The following WASHC4 variants were observed in gnomAD, a reference collection of about 807,000 sequenced individuals.
The protein encoded by WASHC4 is WASH complex subunit 4.
A neutral mutation model predicts 166.6 loss-of-function variants in WASHC4; 86 were observed. The observed-to-expected ratio is 0.52, with a 90% CI of 0.43 to 0.62. The LOEUF is 0.62. Among genes scored for constraint, WASHC4 ranks in the 20% least tolerant of loss-of-function variants. The probability of loss-of-function intolerance (pLI) is 0.00; values close to 1 mark genes in which losing one functional copy is unlikely to be tolerated. For synonymous variants in WASHC4, 446 were observed against 451.6 expected, an observed-to-expected ratio of 0.99 and a Z score of 0.16; for missense variants, 1,262 against 1,382.4, an observed-to-expected ratio of 0.91 and a Z score of 1.38.
chr12:105,144,164 G>A (rs914108056), intron 20 of WASHC4, 123 bp from the exon 21 acceptor site: 51 of 733,272 alleles, frequency 7.0e-5, no homozygotes, highest in Non-Finnish European at 1.1e-4. Context: ...TAAAGACTTA[G>A]AATTTATGTA....
At chr12:105,160,350 AT>A (rs931427003) in intron 29 of WASHC4, among the ~76,000 whole-genome samples, 11 of 150,574 alleles carry the variant, frequency 7.3e-5, no homozygotes, top group African/African-American at 2.2e-4. Flanking sequence ...TTATTGTTAA[AT>A]TTTTTTTTTC....
intron 27 of WASHC4, 51 bp from the exon 28 acceptor site, chr12:105,157,185 T>G (rs371617798): frequency 2.2e-6 from 2 of 902,014 alleles, no homozygotes; most frequent in African/African-American, 3.3e-5. Context: ...TCTGTGTCAA[T>G]TGCACATATT....
chr12:105,143,136 A>G lies in WASHC4; in HGVS notation c.1903A>G (p.Ser635Gly). 1 of 1,604,628 alleles carries G rather than the reference A, an allele frequency of 6.2e-7. No individual in the cohort carries two copies. The highest frequency in any genetic ancestry group is 8.5e-7 in the Non-Finnish European group (1 of 1,171,846). Residue 635 changes from serine (S) to glycine (G), a missense_variant, in exon 20 of 33, where the codon AGT becomes GGT. Transcript: ENST00000332180. ...VDAARLHYMF[S>G]ALRDCVPAMM... The stretch of plus-strand genomic sequence containing the variant: ...TTAATTTTCTTCTTAGTACATGTTC[A>G]GTGCTTTGCGCGACTGTGTACCTGC...
At chr12:105,145,814 T>G (rs1167363651) in intron 22 of WASHC4, among the ~76,000 whole-genome samples, 1 of 152,100 alleles carries the variant, frequency 6.6e-6, no homozygotes, top group Non-Finnish European at 1.5e-5. Flanking sequence ...GTTAGAGTAA[T>G]ATCTATTTAA....
chr12:105,144,824 T>A lies in WASHC4; in HGVS notation c.2286T>A (p.Tyr762Ter). 1 of 1,613,452 alleles carries A rather than the reference T, an allele frequency of 6.2e-7. No homozygotes were observed. The highest frequency in any genetic ancestry group is 1.1e-5 in the South Asian group (1 of 91,070). Reference protein sequence around the residue: ...SEMRNLATQRYGLVMTEAHLP... With the variant: ...SEMRNLATQR ...TGAGAAACTTAGCTACTCAGCGTTATGGACTGGTTATGACAGAGGCACATC... is the reference window on the plus strand; with the variant it reads ...TGAGAAACTTAGCTACTCAGCGTTAAGGACTGGTTATGACAGAGGCACATC... Residue 762 changes from tyrosine (Y) to a stop codon, truncating the protein, a stop_gained, in exon 22 of 33, where the codon TAT (tyrosine) becomes TAA (stop). Transcript: ENST00000332180. LOFTEE classifies it high-confidence loss of function.
At chr12:105,142,613 A>T in intron 19 of WASHC4, 55 bp downstream of exon 19, 1 of 1,029,612 alleles carries the variant, frequency 9.7e-7, no homozygotes, top group East Asian at 2.5e-5. Context: ...TCACTGTGTA[A>T]ACCGTTTTAG....
intron 2 of WASHC4, among the ~76,000 whole-genome samples, chr12:105,113,304 GC>G (rs1247340884): frequency 1.3e-5 from 2 of 151,958 alleles, no homozygotes; most frequent in Non-Finnish European, 2.9e-5. Flanking sequence ...TTGCTGTTGG[GC>G]TTTAAGGGCC....
At chr12:105,137,699 A>G (rs1882441723) in intron 14 of WASHC4, among the ~76,000 whole-genome samples, 187 bp from the exon 15 acceptor site, 1 of 152,234 alleles carries the variant, frequency 6.6e-6, no homozygotes, top group African/African-American at 2.4e-5. Flanking sequence ...GGCTGCTTTG[A>G]AACTTAACCA....
intron 29 of WASHC4, among the ~76,000 whole-genome samples, chr12:105,162,046 A>G (rs1156230869): frequency 6.6e-6 from 1 of 152,216 alleles, no homozygotes; most frequent in African/African-American, 2.4e-5. Context: ...TATGTACTGG[A>G]TGGTGCAGAT....
chr12:105,133,256 C>G (rs758175314), intron 13 of WASHC4, among the ~76,000 whole-genome samples: 1 of 152,088 alleles, frequency 6.6e-6, no homozygotes, highest in Non-Finnish European at 1.5e-5. Flanking sequence ...TTCCAAATGT[C>G]TTAGGATTTT....
At chr12:105,117,092 T>C (rs974991929) in intron 6 of WASHC4, among the ~76,000 whole-genome samples, 2 of 152,354 alleles carry the variant, frequency 1.3e-5, no homozygotes, top group East Asian at 3.9e-4. Context: ...TCCTGGTAAA[T>C]TGAATCTTTT....
chr12:105,130,548 T>A (rs1292393161), intron 13 of WASHC4, among the ~76,000 whole-genome samples: 1 of 152,194 alleles, frequency 6.6e-6, no homozygotes, highest in Non-Finnish European at 1.5e-5. Context: ...TAAAATTCAC[T>A]CCACTAAAGT....
intron 13 of WASHC4, 134 bp downstream of exon 13, chr12:105,127,423 C>A: frequency 1.4e-6 from 1 of 719,402 alleles, no homozygotes; most frequent in Non-Finnish European, 2.3e-6. Flanking sequence ...CAGGCAATCT[C>A]CAGGAGATTT....
At chr12:105,130,517 A>C (rs1275001148) in intron 13 of WASHC4, among the ~76,000 whole-genome samples, 1 of 152,206 alleles carries the variant, frequency 6.6e-6, no homozygotes, top group Non-Finnish European at 1.5e-5. Flanking sequence ...TCAGTCTCTT[A>C]GCAGTTATGT....
At chr12:105,152,509 A>G (rs1883848546) in intron 26 of WASHC4, 58 bp downstream of exon 26, 1 of 928,204 alleles carries the variant, frequency 1.1e-6, no homozygotes, top group Non-Finnish European at 1.8e-6. Context: ...TCTATCTCAT[A>G]TATTAACTAT....
At position 105,144,714 on chromosome 12, in the gene WASHC4, G is replaced by C; in HGVS notation, c.2180-4G>C. 1 of 1,581,998 alleles carries C rather than the reference G, an allele frequency of 6.3e-7. No individual in the cohort carries two copies. Among genetic ancestry groups the C allele is most frequent in the Non-Finnish European group, 8.6e-7 (1 of 1,167,440 alleles). ...TCACAAGTTGAATTTTTTTTTTTTG[G>C]TAGCTTACGTAACTCACTACCTAGA... is the stretch of plus-strand genomic sequence containing the variant. On this transcript the variant is annotated splice_region_variant and splice_polypyrimidine_tract_variant and intron_variant, in intron 21 of 32. Transcript: ENST00000332180.
chr12:105,147,275 T>A (rs928732450), intron 24 of WASHC4, 129 bp downstream of exon 24: 2 of 687,882 alleles, frequency 2.9e-6, no homozygotes, highest in African/African-American at 3.6e-5. Flanking sequence ...TCCATTTTTT[T>A]TCTGGTTAGT....
rs368456461 is a variant in WASHC4, at chr12:105,144,666, A to T, written c.2180-52A>T. On this transcript the variant is annotated intron_variant, in intron 21 of 32. Transcript: ENST00000332180. ...TTGTTGTTTTTTCCTTTTAGGTTTC[A>T]TTTCTTTTCCTTTTCTACTGTTTCA... 4.3e-5 allele frequency: 65 copies of T among 1,522,438 alleles called. No homozygotes were observed. In the African/African-American group the frequency reaches 6.8e-4, roughly 16 times the overall value. The allele number at this position is 1,522,438 out of a possible 1,614,324, so 94.3% of individuals were successfully genotyped here. A position where few individuals can be genotyped will look rare whatever the true frequency, so the allele number is the denominator to read the frequency against.
intron 32 of WASHC4, among the ~76,000 whole-genome samples, chr12:105,166,009 C>T (rs192254337): frequency 6.6e-5 from 10 of 152,292 alleles, no homozygotes; most frequent in Admixed American, 5.9e-4. Flanking sequence ...GATGCCAGAA[C>T]CTTTTCCCCA....
Sources: allele counts gnomAD v4.1 joint callset (sites outside exome capture counted in the v4.1 genomes callset), GRCh38; gene constraint gnomAD v4.1.1; transcripts MANE v1.5; gene names NCBI Gene and HGNC (gene_info 2026-07-23, HGNC 2026-07-21).